Variants in SOX5 observed in about 807,000 individuals in gnomAD.
The protein encoded by SOX5 is SRY-box transcription factor 5.
A neutral mutation model predicts 92.0 loss-of-function variants in SOX5; 9 were observed. The observed-to-expected ratio is 0.10, with a 90% confidence interval of 0.06 to 0.17. The LOEUF (loss-of-function observed/expected upper bound fraction) is 0.17. Ranked by LOEUF, SOX5 falls within the 10% of genes least tolerant of loss-of-function variation. The probability of loss-of-function intolerance (pLI) is 1.00; values close to 1 mark genes in which losing one functional copy is unlikely to be tolerated. For missense variants in SOX5, 642 were observed against 944.5 expected (o/e 0.68, Z 4.20); for synonymous variants, 344 against 336.3 (o/e 1.02, Z -0.25).
chr12:23,855,737 A>G (rs897525093), intron 2 of SOX5, among the ~76,000 whole-genome samples: 3 of 152,204 alleles, frequency 2.0e-5, no homozygotes, highest in African/African-American at 7.2e-5. Context: ...TCTCTCTGCT[A>G]TGCTCCAGCA....
chr12:23,652,760 C>T (rs1250386822), intron 7 of SOX5, among the ~76,000 whole-genome samples: 4 of 151,938 alleles, frequency 2.6e-5, no homozygotes, highest in African/African-American at 4.8e-5. Context: ...CCTAGGTCTA[C>T]ATGTCTTTCT....
chr12:24,507,035 C>T (rs1019558973), intron 1 of SOX5, among the ~76,000 whole-genome samples: 11 of 151,820 alleles, frequency 7.2e-5, no homozygotes, highest in African/African-American at 2.7e-4. Flanking sequence ...CGTGATCCGC[C>T]CGCCTCGGCC....
In SOX5 at chr12:24,424,185, C is replaced by T. The variant is rs568508645; in HGVS notation, c.-250-55546G>A. Among the ~76,000 whole-genome samples the T allele has an allele frequency of 4.3e-4, 66 of 152,220 alleles. 1 individual carries two copies. The highest frequency in any genetic ancestry group is 2.5e-3 in the East Asian group (13 of 5,188). On this transcript the variant is annotated intron_variant, in intron 1 of 4. Transcript: ENST00000446891. ...AAAGGATCTTCAGTCTGAGAATTGA[C>T]GGCACAGCTTTAAGAATAGATAAAG...
chr12:24,473,607 T>A, intron 1 of SOX5, among the ~76,000 whole-genome samples: 1 of 152,208 alleles, frequency 6.6e-6, no homozygotes, highest in Non-Finnish European at 1.5e-5. Context: ...GTTTTTTTGC[T>A]CCAGATCAAA....
intron 8 of SOX5, among the ~76,000 whole-genome samples, chr12:23,605,887 A>G (rs1042415193): frequency 6.6e-6 from 1 of 152,078 alleles, no homozygotes; most frequent in Non-Finnish European, 1.5e-5. Flanking sequence ...AGAGAAAACT[A>G]AAAGACCAGA....
At chr12:24,532,076 G>A (rs1331609600) in intron 1 of SOX5, among the ~76,000 whole-genome samples, 1 of 152,164 alleles carries the variant, frequency 6.6e-6, no homozygotes, top group Non-Finnish European at 1.5e-5. Context: ...AAAAAATACA[G>A]CTTGTTAAAA....
intron 1 of SOX5, among the ~76,000 whole-genome samples, chr12:24,511,437 C>T (rs1304777880): frequency 6.6e-6 from 1 of 152,084 alleles, no homozygotes; most frequent in African/African-American, 2.4e-5. Context: ...AAGAACTGTC[C>T]ATAAACATTT....
chr12:23,628,396 C>G (rs532576348), intron 8 of SOX5, among the ~76,000 whole-genome samples: 1 of 152,170 alleles, frequency 6.6e-6, no homozygotes, highest in East Asian at 1.9e-4. Flanking sequence ...TTCTATAGTT[C>G]TGCTTCACTC....
At chr12:24,499,197 C>T (rs1947938672) in intron 1 of SOX5, among the ~76,000 whole-genome samples, 9 of 152,188 alleles carry the variant, frequency 5.9e-5, no homozygotes, top group Admixed American at 5.9e-4. Context: ...AGGGCATGGC[C>T]CGTGAAACCA....
intron 2 of SOX5, among the ~76,000 whole-genome samples, chr12:24,297,901 T>C (rs1253465937): frequency 6.6e-6 from 1 of 152,200 alleles, no homozygotes; most frequent in African/African-American, 2.4e-5. Flanking sequence ...TTCCTTAAAA[T>C]TGGCACTTCC....
chr12:24,196,041 C>T (rs894135985), intron 4 of SOX5, among the ~76,000 whole-genome samples: 4 of 152,166 alleles, frequency 2.6e-5, no homozygotes, highest in African/African-American at 4.8e-5. Context: ...TGCGCCACCA[C>T]GCCTAGCTAA....
chr12:23,906,146 T>C (rs2097291062), intron 1 of SOX5, among the ~76,000 whole-genome samples: 1 of 152,220 alleles, frequency 6.6e-6, no homozygotes, highest in African/African-American at 2.4e-5. Context: ...ATTATTTAAT[T>C]CATGTATTGT....
At chr12:23,883,390 A>G (rs1388148081) in intron 2 of SOX5, among the ~76,000 whole-genome samples, 2 of 152,224 alleles carry the variant, frequency 1.3e-5, no homozygotes, top group African/African-American at 4.8e-5. Context: ...GAAAACATGA[A>G]TATTAGAAAC....
intron 6 of SOX5, among the ~76,000 whole-genome samples, chr12:23,712,490 C>T (rs927558374): frequency 2.0e-5 from 3 of 152,126 alleles, no homozygotes; most frequent in South Asian, 4.1e-4. Flanking sequence ...AACCCAGCAG[C>T]CAGGTTTATC....
chr12:24,199,055 G>T (rs759481490), intron 4 of SOX5, among the ~76,000 whole-genome samples: 1 of 152,118 alleles, frequency 6.6e-6, no homozygotes, highest in Non-Finnish European at 1.5e-5. Context: ...CTTTTCATCC[G>T]AATGGTGTGA....
chr12:23,635,374 T>C (rs111638029), intron 8 of SOX5, among the ~76,000 whole-genome samples: 61 of 152,198 alleles, frequency 4.0e-4, no homozygotes, highest in African/African-American at 1.4e-3. Context: ...GAAAGGGACA[T>C]GGATGAAGCT....
chr12:23,989,439 T>C (rs780408539), intron 4 of SOX5, among the ~76,000 whole-genome samples: 7 of 151,932 alleles, frequency 4.6e-5, no homozygotes, highest in African/African-American at 7.3e-5. Flanking sequence ...TTTAGTATGA[T>C]TGACTGTAGG....
intron 4 of SOX5, among the ~76,000 whole-genome samples, chr12:24,140,027 TA>T (rs1950436331): frequency 6.6e-6 from 1 of 152,230 alleles, no homozygotes; most frequent in Admixed American, 6.5e-5. Flanking sequence ...TTGTTTTTCC[TA>T]AATGAACAGA....
At chr12:24,468,792 AATG>A (rs1188080722) in intron 1 of SOX5, among the ~76,000 whole-genome samples, 1 of 152,162 alleles carries the variant, frequency 6.6e-6, no homozygotes, top group African/African-American at 2.4e-5. Context: ...CAAGGAGTCT[AATG>A]ATGTTTTTTA....
Sources: gnomAD v4.1 joint callset for allele counts (sites outside exome capture counted in the v4.1 genomes callset) on GRCh38, gnomAD v4.1.1 for gene constraint, MANE v1.5 for transcripts, NCBI Gene and HGNC (gene_info 2026-07-23, HGNC 2026-07-21) for gene names.